The following HPSE2 variants were observed in gnomAD, a reference collection of about 807,000 sequenced individuals.
The protein encoded by HPSE2 is inactive heparanase-2.
A neutral mutation model predicts 60.5 loss-of-function variants in HPSE2; 38 were observed. That is an observed-to-expected ratio of 0.63 (90% CI 0.48 to 0.82). The LOEUF (loss-of-function observed/expected upper bound fraction) is 0.82, where lower values mean the gene tolerates loss of function less well. HPSE2 is among the 40% of genes least tolerant of loss of function. HPSE2 has a pLI of 0.00. For synonymous variants in HPSE2, 295 were observed against 293.2 expected, an observed-to-expected ratio of 1.01 and a Z score of -0.06; for missense variants, 713 against 740.4, an observed-to-expected ratio of 0.96 and a Z score of 0.43.
At chr10:98,630,260 C>G (rs1383545718) in intron 7 of HPSE2, among the ~76,000 whole-genome samples, 2 of 150,600 alleles carry the variant, frequency 1.3e-5, no homozygotes, top group African/African-American at 4.9e-5. Flanking sequence ...TGCAGTGGCG[C>G]CATCTTGGCT....
At chr10:99,125,411 A>G (rs1437261914) in intron 3 of HPSE2, among the ~76,000 whole-genome samples, 1 of 152,190 alleles carries the variant, frequency 6.6e-6, no homozygotes, top group Non-Finnish European at 1.5e-5. Context: ...CCTGGCTCCT[A>G]GACTATAATA....
chr10:98,994,523 T>C (rs1025613162), intron 3 of HPSE2, among the ~76,000 whole-genome samples: 2 of 152,190 alleles, frequency 1.3e-5, no homozygotes, highest in Non-Finnish European at 2.9e-5. Flanking sequence ...GGTCTGCTTA[T>C]GTTTCAGTCT....
At chr10:98,952,496 A>G (rs1046979045) in intron 3 of HPSE2, among the ~76,000 whole-genome samples, 4 of 152,118 alleles carry the variant, frequency 2.6e-5, no homozygotes, top group African/African-American at 9.7e-5. Flanking sequence ...TCACAACTCA[A>G]TGTGAATTAC....
chr10:98,482,565 G>A (rs955989683), intron 11 of HPSE2, 71 bp downstream of exon 11: 51 of 1,583,240 alleles, frequency 3.2e-5, no homozygotes, highest in Non-Finnish European at 4.0e-5. Flanking sequence ...AGCAACCTTG[G>A]TGTCTTCAGC....
intron 3 of HPSE2, among the ~76,000 whole-genome samples, chr10:98,944,202 T>C (rs1564678612): frequency 6.6e-6 from 1 of 151,998 alleles, no homozygotes; most frequent in Non-Finnish European, 1.5e-5. Context: ...CATGAGTCCA[T>C]AAGTGCCCAG....
intron 9 of HPSE2, among the ~76,000 whole-genome samples, chr10:98,506,790 T>C (rs1932795): frequency 0.85 from 128,671 of 152,204 alleles, 56,068 homozygotes; most frequent in East Asian, 0.96. Flanking sequence ...GAGAGTGCTT[T>C]CAAAGTGCTT....
At chr10:98,761,704 G>T (rs11189804) in intron 3 of HPSE2, among the ~76,000 whole-genome samples, 107,645 of 151,942 alleles carry the variant, frequency 0.71, 39,155 homozygotes, top group Non-Finnish European at 0.81. Context: ...AAATGGCAAT[G>T]ACCTAAGAAC....
intron 1 of HPSE2, among the ~76,000 whole-genome samples, 199 bp from the exon 2 acceptor site, chr10:99,232,704 G>C (rs1470050542): frequency 6.6e-6 from 1 of 152,228 alleles, no homozygotes; most frequent in Non-Finnish European, 1.5e-5. Flanking sequence ...CCGGCTCTGG[G>C]GGCTGTGCCT....
intron 3 of HPSE2, among the ~76,000 whole-genome samples, chr10:98,834,908 G>A (rs554124561): frequency 6.6e-6 from 1 of 151,176 alleles, no homozygotes; most frequent in Admixed American, 6.6e-5. Flanking sequence ...AGTTACTTAT[G>A]ATTTCAAAAA....
chr10:98,773,949 G>A (rs891563500), intron 3 of HPSE2, among the ~76,000 whole-genome samples: 1 of 152,008 alleles, frequency 6.6e-6, no homozygotes, highest in African/African-American at 2.4e-5. Context: ...TCCACCTACT[G>A]GGGGGCTGAG....
intron 3 of HPSE2, among the ~76,000 whole-genome samples, chr10:98,809,761 A>G (rs1394594997): frequency 6.6e-6 from 1 of 152,198 alleles, no homozygotes; most frequent in Non-Finnish European, 1.5e-5. Flanking sequence ...AGAATAATAA[A>G]AGTATACATC....
the HPSE2 span, among the ~76,000 whole-genome samples, chr10:99,285,488 G>C: frequency 4.7e-5 from 6 of 128,292 alleles, no homozygotes; most frequent in East Asian, 1.5e-3. Context: ...GGGAGGGAGG[G>C]AGGGAGGGAG....
At chr10:98,745,151 G>A (rs1215584385) in intron 3 of HPSE2, among the ~76,000 whole-genome samples, 3 of 152,266 alleles carry the variant, frequency 2.0e-5, no homozygotes, top group East Asian at 3.9e-4. Flanking sequence ...GCGGTAAGCC[G>A]CGATTGCGCC....
chr10:98,721,066 AT>A (rs568347626), intron 5 of HPSE2, among the ~76,000 whole-genome samples: 5,031 of 149,462 alleles, frequency 0.034, 113 homozygotes, highest in Middle Eastern at 0.077. Context: ...ATAAATCTCT[AT>A]TTTTTTTTTC....
intron 9 of HPSE2, among the ~76,000 whole-genome samples, chr10:98,560,789 T>TA (rs1944150804): frequency 6.6e-6 from 1 of 152,188 alleles, no homozygotes; most frequent in South Asian, 2.1e-4. Flanking sequence ...AATGACATCA[T>TA]AGCCATTGTA....
chr10:99,313,840 T>C, the HPSE2 span, among the ~76,000 whole-genome samples: 5 of 151,810 alleles, frequency 3.3e-5, no homozygotes, highest in African/African-American at 1.2e-4. Flanking sequence ...GACCTCATAA[T>C]CTGCCGGCCT....
At chr10:99,291,913 C>T in the HPSE2 span, among the ~76,000 whole-genome samples, 1 of 152,066 alleles carries the variant, frequency 6.6e-6, no homozygotes, top group African/African-American at 2.4e-5. Context: ...GTAGTGAGCC[C>T]CACTGAGAAA....
chr10:99,053,342 T>C (rs933731676), intron 3 of HPSE2, among the ~76,000 whole-genome samples: 6 of 150,076 alleles, frequency 4.0e-5, no homozygotes, highest in Admixed American at 2.7e-4. Context: ...CATATTGTAA[T>C]CTCTAGAGCA....
chr10:98,753,100 A>C (rs953983046), intron 3 of HPSE2, among the ~76,000 whole-genome samples: 1 of 152,212 alleles, frequency 6.6e-6, no homozygotes, highest in Non-Finnish European at 1.5e-5. Flanking sequence ...TTACAGTTAC[A>C]TAGGAGGAAT....
Sources: gnomAD v4.1 joint callset for allele counts (sites outside exome capture counted in the v4.1 genomes callset) on GRCh38, gnomAD v4.1.1 for gene constraint, MANE v1.5 for transcripts, NCBI Gene and HGNC (gene_info 2026-07-23, HGNC 2026-07-21) for gene names.